KLHL1: variants seen among roughly 807,000 people sequenced by gnomAD.
KLHL1 encodes the protein kelch like family member 1, also known as kelch-like protein 1.
Under a neutral mutation model 77.7 loss-of-function variants are expected in KLHL1, and 47 were observed. That is an observed-to-expected ratio of 0.60 (90% CI 0.48 to 0.77). KLHL1 has a LOEUF of 0.77. Ranked by LOEUF, KLHL1 falls within the 30% of genes least tolerant of loss-of-function variation. KLHL1 has a pLI of 0.00. For synonymous variants in KLHL1, 360 were observed against 325.2 expected, an observed-to-expected ratio of 1.11 and a Z score of -1.15; for missense variants, 925 against 910.8, an observed-to-expected ratio of 1.02 and a Z score of -0.20.
chr13:69,762,476 A>G (rs1395468608), intron 7 of KLHL1, among the ~76,000 whole-genome samples: 1 of 151,970 alleles, frequency 6.6e-6, no homozygotes, highest in African/African-American at 2.4e-5. Flanking sequence ...GAGGACAATC[A>G]AACTCTTCAT....
At chr13:69,959,400 C>T (rs77607540) in intron 3 of KLHL1, among the ~76,000 whole-genome samples, 12,810 of 151,850 alleles carry the variant, frequency 0.084, 606 homozygotes, top group Non-Finnish European at 0.11. Context: ...CTGGCTACCT[C>T]TTGGCTCAGA....
At chr13:69,994,558 AAG>A (rs1326998062) in intron 1 of KLHL1, among the ~76,000 whole-genome samples, 1 of 152,118 alleles carries the variant, frequency 6.6e-6, no homozygotes, top group South Asian at 2.1e-4. Flanking sequence ...CTGCACTTAC[AAG>A]ATATATCACA....
intron 1 of KLHL1, among the ~76,000 whole-genome samples, chr13:70,034,206 A>C (rs940525163): frequency 2.0e-5 from 3 of 152,212 alleles, no homozygotes; most frequent in Non-Finnish European, 4.4e-5. Flanking sequence ...ATTTATTCTA[A>C]ATGAGTTATT....
intron 1 of KLHL1, among the ~76,000 whole-genome samples, chr13:69,979,965 C>CA (rs1884660455): frequency 6.6e-6 from 1 of 152,202 alleles, no homozygotes; most frequent in African/African-American, 2.4e-5. Context: ...TAATCTATTG[C>CA]AATTCGACTT....
chr13:70,064,000 A>C (rs1224717235), intron 1 of KLHL1, among the ~76,000 whole-genome samples: 3 of 152,146 alleles, frequency 2.0e-5, no homozygotes, highest in African/African-American at 7.2e-5. Flanking sequence ...TTTTCATCAG[A>C]AAAACACCCA....
At chr13:70,036,134 G>A (rs61964239) in intron 1 of KLHL1, among the ~76,000 whole-genome samples, 28,244 of 151,668 alleles carry the variant, frequency 0.19, 3,399 homozygotes, top group East Asian at 0.59. Flanking sequence ...TTTTACTTGA[G>A]AATAAATGAC....
At chr13:69,872,398 T>A (rs950170027) in intron 5 of KLHL1, among the ~76,000 whole-genome samples, 1 of 152,150 alleles carries the variant, frequency 6.6e-6, no homozygotes, top group African/African-American at 2.4e-5. Flanking sequence ...TTAAAACTAG[T>A]TTCTGACAGA....
At chr13:69,908,631 T>C (rs1278858712) in intron 4 of KLHL1, among the ~76,000 whole-genome samples, 1 of 151,370 alleles carries the variant, frequency 6.6e-6, no homozygotes, top group African/African-American at 2.4e-5. Context: ...ATTGCATATG[T>C]TTTCAAATGT....
At chr13:69,929,193 G>T (rs1882913461) in intron 4 of KLHL1, among the ~76,000 whole-genome samples, 1 of 151,984 alleles carries the variant, frequency 6.6e-6, no homozygotes. Flanking sequence ...TTGCTTCACA[G>T]TTAATGATAA....
intron 4 of KLHL1, among the ~76,000 whole-genome samples, chr13:69,923,625 T>G (rs2138268302): frequency 6.6e-6 from 1 of 152,312 alleles, no homozygotes; most frequent in South Asian, 2.1e-4. Context: ...GAAGACACAT[T>G]TATAAGAATA....
chr13:70,077,754 A>G (rs996646031), intron 1 of KLHL1, among the ~76,000 whole-genome samples: 1 of 152,040 alleles, frequency 6.6e-6, no homozygotes, highest in African/African-American at 2.4e-5. Context: ...TGCTTTTAAA[A>G]ATGTATTAAT....
chr13:69,807,921 G>T (rs1877684257), intron 6 of KLHL1, among the ~76,000 whole-genome samples: 1 of 152,106 alleles, frequency 6.6e-6, no homozygotes, highest in African/African-American at 2.4e-5. Context: ...TGGTCACTTG[G>T]GGGACAGTGC....
At chr13:69,912,306 T>C (rs999683128) in intron 4 of KLHL1, among the ~76,000 whole-genome samples, 2 of 152,134 alleles carry the variant, frequency 1.3e-5, no homozygotes, top group Non-Finnish European at 2.9e-5. Flanking sequence ...ACTAATAAAC[T>C]GAGTACATTT....
chr13:70,056,133 T>C (rs1018459036), intron 1 of KLHL1, among the ~76,000 whole-genome samples: 1 of 150,596 alleles, frequency 6.6e-6, no homozygotes, highest in Non-Finnish European at 1.5e-5. Context: ...AGACTGAAAA[T>C]AAAGCAATGG....
intron 1 of KLHL1, among the ~76,000 whole-genome samples, chr13:70,011,387 T>A (rs906909053): frequency 3.3e-5 from 5 of 152,216 alleles, no homozygotes; most frequent in Non-Finnish European, 4.4e-5. Flanking sequence ...TAATACAATA[T>A]ACCTGGACCA....
At chr13:69,871,019 G>A (rs984605581) in intron 5 of KLHL1, among the ~76,000 whole-genome samples, 2 of 152,126 alleles carry the variant, frequency 1.3e-5, no homozygotes, top group African/African-American at 4.8e-5. Flanking sequence ...CCACAGGGAA[G>A]TGTCCTAGCA....
At chr13:69,868,819 C>CTTTA (rs1880470002) in intron 5 of KLHL1, among the ~76,000 whole-genome samples, 1 of 152,122 alleles carries the variant, frequency 6.6e-6, no homozygotes, top group African/African-American at 2.4e-5. Flanking sequence ...GATTAATGAG[C>CTTTA]TTTACAATGT....
At position 69,738,461 on chromosome 13, in the gene KLHL1, G is replaced by C. The variant is rs367641149; in HGVS notation, c.1802+1933C>G. ...AACAACAAACTTCACTGAGCTAAAG[G>C]GTTATGTCCTAACTCATTGCAAAGA... On this transcript the variant is annotated intron_variant, in intron 8 of 10. Transcript: ENST00000377844. 3.9e-5 allele frequency among the ~76,000 whole-genome samples: 6 copies of C among 152,014 alleles called. No homozygotes were observed. In the South Asian group the frequency reaches 8.3e-4, roughly 21 times the overall value.
intron 1 of KLHL1, among the ~76,000 whole-genome samples, chr13:70,054,543 C>T (rs776078088): frequency 6.6e-6 from 1 of 151,886 alleles, no homozygotes; most frequent in Non-Finnish European, 1.5e-5. Context: ...TTGTCATGAA[C>T]ATTCTTTTTT....
Sources: gnomAD v4.1 joint callset for allele counts (sites outside exome capture counted in the v4.1 genomes callset) on GRCh38, gnomAD v4.1.1 for gene constraint, MANE v1.5 for transcripts, NCBI Gene and HGNC (gene_info 2026-07-23, HGNC 2026-07-21) for gene names.